The following KIF14 variants were observed in gnomAD, a reference collection of about 807,000 sequenced individuals.
The protein encoded by KIF14 is kinesin-like protein KIF14.
In KIF14, 98 loss-of-function variants were observed where a neutral mutation model predicts 176.2. The ratio of observed to expected loss-of-function variants is 0.56; its 90% CI spans 0.47 to 0.66. The LOEUF is 0.66. KIF14 is among the 30% of genes least tolerant of loss of function. KIF14 has a pLI of 0.00. For synonymous variants in KIF14, 566 were observed against 632.2 expected (o/e 0.90, Z 1.57); for missense variants, 1,751 against 1,920.4 (o/e 0.91, Z 1.65).
chr1:200,553,511 A>T lies in KIF14; in HGVS notation c.4824T>A (p.Ser1608=). The change falls in exon 30 of 30, where the codon TCT becomes TCA. Residue 1608 remains serine, a synonymous_variant. Transcript: ENST00000367350. ...TACTGCCGTCAATCCCGCTTGATTT[A>T]GATTGTTGGTGTTCTTCTTTGGTAT... ...NQNTKEEHQQ[S]KSSGIDGSKN... The T allele has an allele frequency of 6.2e-7, 1 of 1,614,002 alleles. No homozygotes were observed. Among genetic ancestry groups the T allele is most frequent in the East Asian group, 2.2e-5 (1 of 44,854 alleles).
chr1:200,568,206 T>C (rs1031529100), intron 23 of KIF14, among the ~76,000 whole-genome samples: 9 of 152,340 alleles, frequency 5.9e-5, no homozygotes, highest in East Asian at 1.9e-4. Flanking sequence ...TTTCCATTAC[T>C]GTCTTTGAAA....
intron 21 of KIF14, among the ~76,000 whole-genome samples, chr1:200,576,448 A>G (rs970006848): frequency 4.0e-5 from 6 of 148,834 alleles, no homozygotes; most frequent in Non-Finnish European, 8.9e-5. Flanking sequence ...ACTGCACTCC[A>G]GCCTGGGCGA....
At chr1:200,590,548 C>T (rs987757656) in intron 16 of KIF14, among the ~76,000 whole-genome samples, 3 of 151,942 alleles carry the variant, frequency 2.0e-5, no homozygotes, top group African/African-American at 7.3e-5. Flanking sequence ...TTAGTAACTA[C>T]ATTATACAGA....
At position 200,553,233 on chromosome 1, in the gene KIF14, G is replaced by A. The variant is rs1656642547; in HGVS notation, c.*155C>T. ...TTACAGGCGTGAGCCACTGTGTCTG[G>A]CCTTTGATAAATAGATATTTTAAAG... On this transcript the variant is annotated 3_prime_UTR_variant, in exon 30 of 30. Transcript: ENST00000367350. 6.2e-6 allele frequency: 5 copies of A among 807,778 alleles called. No homozygotes were observed. The highest frequency in any genetic ancestry group is 9.3e-6 in the Non-Finnish European group (5 of 537,842). The allele number at this position is 807,778 out of a possible 1,614,324, so 50.0% of individuals were successfully genotyped here.
intron 1 of KIF14, among the ~76,000 whole-genome samples, chr1:200,619,989 G>A (rs185774552): frequency 1.1e-3 from 170 of 152,248 alleles, no homozygotes; most frequent in Admixed American, 8.4e-3. Context: ...TTTGCATGCC[G>A]GGTTCTAACC....
chr1:200,605,308 A>C lies in KIF14; in HGVS notation c.1721T>G (p.Phe574Cys). The C allele has an allele frequency of 6.2e-7, 1 of 1,613,422 alleles. No homozygotes were observed. ...NDKSSRSHSV[F>C]TLVMTQTKTE... is the part of the protein sequence containing the mutation. The stretch of plus-strand genomic sequence containing the variant: ...CTTGGTCTGGGTCATCACCAGGGTG[A>C]AAACTGAATGAGATCGGGAACTTTT... The change falls in exon 8 of 30, where the codon TTC (phenylalanine) becomes TGC (cysteine). Residue 574 changes from phenylalanine to cysteine, a missense_variant. Transcript: ENST00000367350.
At chr1:200,563,180 C>T (rs750166159) in intron 25 of KIF14, among the ~76,000 whole-genome samples, 2 of 151,864 alleles carry the variant, frequency 1.3e-5, no homozygotes, top group Non-Finnish European at 2.9e-5. Flanking sequence ...AGTAAATAGC[C>T]CATTCAGGAA....
Position 200,590,247 on chromosome 1 carries a change from G to A in KIF14, c.2839C>T (p.Gln947Ter), listed in dbSNP as rs372556860. The A allele has an allele frequency of 1.9e-6, 3 of 1,613,226 alleles. No individual in the cohort carries two copies. The highest frequency in any genetic ancestry group is 2.5e-6 in the Non-Finnish European group (3 of 1,179,830). Reference sequence around the variant, plus strand: ...ATCATTTCTTCCTTTGCCTTCAACTGAGCCTCTTTTATTTCTGCTTCAAGT... The same window carrying A: ...ATCATTTCTTCCTTTGCCTTCAACTAAGCCTCTTTTATTTCTGCTTCAAGT... ...SQLEAEIKEAQLKAKEEMMQG... is the reference protein window; with the variant it reads ...SQLEAEIKEA Residue 947 changes from glutamine to a stop codon, truncating the protein, a stop_gained, in exon 17 of 30, where the codon CAG becomes TAG. Transcript: ENST00000367350. LOFTEE classifies it high-confidence loss of function.
At chr1:200,598,159 T>C (rs1396226215) in intron 14 of KIF14, 78 bp downstream of exon 14, 2 of 1,238,048 alleles carry the variant, frequency 1.6e-6, no homozygotes, top group East Asian at 4.7e-5. Flanking sequence ...TATCAACGAA[T>C]ATGCCATATG....
Position 200,553,492 on chromosome 1 carries a change from C to T in KIF14, c.4843G>A (p.Gly1615Ser), listed in dbSNP as rs146186348. 835 of 1,613,964 alleles carry T rather than the reference C, an allele frequency of 5.2e-4. 2 individuals are homozygous for T. The highest frequency in any genetic ancestry group is 1.8e-3 in the Middle Eastern group (11 of 6,062). The change falls in exon 30 of 30, where the codon GGC (glycine) becomes AGC (serine). Residue 1615 changes from glycine (G) to serine (S), a missense_variant. Coordinates refer to ENST00000367350, the MANE Select transcript of KIF14 (RefSeq NM_014875.3). ...TTTGGTACACCTTTATTCTTACTGC[C>T]GTCAATCCCGCTTGATTTAGATTGT... ...HQQSKSSGID[G>S]SKNKGVPKRV...
At chr1:200,607,996 G>C (rs1659966485) in intron 5 of KIF14, among the ~76,000 whole-genome samples, 1 of 152,112 alleles carries the variant, frequency 6.6e-6, no homozygotes, top group Admixed American at 6.6e-5. Flanking sequence ...AACACGCCCA[G>C]CCGTCTTCTT....
intron 19 of KIF14, among the ~76,000 whole-genome samples, chr1:200,583,483 T>C (rs79234778): frequency 0.023 from 3,571 of 152,244 alleles, 51 homozygotes; most frequent in Non-Finnish European, 0.035. Context: ...GGCAACAAGA[T>C]TGAACATGTG....
chr1:200,587,001 C>A (rs1365508260), intron 18 of KIF14, among the ~76,000 whole-genome samples: 2 of 151,982 alleles, frequency 1.3e-5, no homozygotes, highest in South Asian at 2.1e-4. Context: ...TATAATGCAG[C>A]GGTCCCCAAC....
intron 25 of KIF14, among the ~76,000 whole-genome samples, chr1:200,561,962 A>G (rs1657186684): frequency 6.6e-6 from 1 of 152,192 alleles, no homozygotes; most frequent in African/African-American, 2.4e-5. Context: ...CCTTCAAACA[A>G]AAGACTTCCC....
chr1:200,578,827 C>T (rs1339252416), intron 21 of KIF14, among the ~76,000 whole-genome samples: 2 of 152,208 alleles, frequency 1.3e-5, no homozygotes, highest in African/African-American at 2.4e-5. Flanking sequence ...CGTGGTGGCT[C>T]ACACCTGTAA....
At chr1:200,613,683 G>A (rs999724786) in intron 4 of KIF14, among the ~76,000 whole-genome samples, 2 of 152,062 alleles carry the variant, frequency 1.3e-5, no homozygotes, top group Non-Finnish European at 2.9e-5. Context: ...GAGATTTTTA[G>A]CAAGTGTGTA....
chr1:200,572,318 A>G lies in KIF14; in HGVS notation c.3567-2313T>C, dbSNP rs1374379486. Among the ~76,000 whole-genome samples, 6 of 152,334 alleles carry G rather than the reference A, an allele frequency of 3.9e-5. No homozygotes were observed. In the East Asian group the frequency reaches 9.6e-4, roughly 24 times the overall value. On this transcript the variant is annotated intron_variant, in intron 22 of 29. Coordinates refer to ENST00000367350, the MANE Select transcript of KIF14 (RefSeq NM_014875.3). ...AACTTAAAAGTCAACAGAAAATAAGATGTAAATTACCAACATCTAGGAGGC... is the reference window on the plus strand; with the variant it reads ...AACTTAAAAGTCAACAGAAAATAAGGTGTAAATTACCAACATCTAGGAGGC...
At chr1:200,561,272 G>A (rs1657138022) in intron 25 of KIF14, among the ~76,000 whole-genome samples, 1 of 150,494 alleles carries the variant, frequency 6.6e-6, no homozygotes, top group Admixed American at 6.6e-5. Context: ...CGGACACGGT[G>A]GCTCATGCCT....
At chr1:200,610,494 A>G (rs1660101568) in intron 4 of KIF14, among the ~76,000 whole-genome samples, 1 of 139,854 alleles carries the variant, frequency 7.2e-6, no homozygotes. Context: ...TGGGTGACAG[A>G]GCGAGACTTC....
Sources: gnomAD v4.1 joint callset for allele counts (sites outside exome capture counted in the v4.1 genomes callset) on GRCh38, gnomAD v4.1.1 for gene constraint, MANE v1.5 for transcripts, NCBI Gene and HGNC (gene_info 2026-07-23, HGNC 2026-07-21) for gene names.